TNRC6B: variants seen among roughly 807,000 people sequenced by gnomAD.
TNRC6B encodes the protein trinucleotide repeat containing adaptor 6B.
Under a neutral mutation model 203.6 loss-of-function variants are expected in TNRC6B, and 52 were observed. The observed-to-expected ratio is 0.26, with a 90% CI of 0.20 to 0.32. TNRC6B has a LOEUF of 0.32. Ranked by LOEUF, TNRC6B falls within the 10% of genes least tolerant of loss-of-function variation. The probability of loss-of-function intolerance (pLI) is 1.00; values close to 1 mark genes in which losing one functional copy is unlikely to be tolerated. For missense variants in TNRC6B, 1,923 were observed against 2,286.2 expected (o/e 0.84, Z 3.24); for synonymous variants, 838 against 845.7 (o/e 0.99, Z 0.16).
At chr22:40,078,776 A>G (rs1009644536) in intron 1 of TNRC6B, among the ~76,000 whole-genome samples, 3 of 151,710 alleles carry the variant, frequency 2.0e-5, no homozygotes, top group Non-Finnish European at 2.9e-5. Context: ...TATTTTTAGT[A>G]GAAACAGGGT....
At chr22:40,294,423 T>G (rs912086904) in intron 12 of TNRC6B, among the ~76,000 whole-genome samples, 8 of 152,298 alleles carry the variant, frequency 5.3e-5, no homozygotes, top group Admixed American at 4.6e-4. Context: ...AATTTCCCTC[T>G]TCATATGAGG....
chr22:40,137,338 G>A (rs960264148), intron 3 of TNRC6B, among the ~76,000 whole-genome samples: 1 of 152,168 alleles, frequency 6.6e-6, no homozygotes, highest in South Asian at 2.1e-4. Flanking sequence ...AACATCATTT[G>A]GGTTGAACTC....
rs143118695 is a variant in TNRC6B, at chr22:40,260,923, G to A, written c.116-909G>A. Among the ~76,000 whole-genome samples, 549 of 152,276 alleles carry A rather than the reference G, an allele frequency of 3.6e-3. 3 individuals are homozygous for A. The highest frequency in any genetic ancestry group is 0.014 in the Middle Eastern group (4 of 294). ...AATTTGGAAAAACTGTTTCCCTTGAGAGTAGAGTAAAAGGAGAAGTTACTT... is the reference window on the plus strand; with the variant it reads ...AATTTGGAAAAACTGTTTCCCTTGAAAGTAGAGTAAAAGGAGAAGTTACTT... On this transcript the variant is annotated intron_variant, in intron 3 of 22. Coordinates refer to ENST00000454349, the MANE Select transcript of TNRC6B (RefSeq NM_001162501.2).
intron 3 of TNRC6B, among the ~76,000 whole-genome samples, chr22:40,255,603 C>A (rs2070263228): frequency 6.6e-6 from 1 of 152,146 alleles, no homozygotes; most frequent in Non-Finnish European, 1.5e-5. Context: ...TGAGGTATTA[C>A]AAGACATGTG....
intron 15 of TNRC6B, among the ~76,000 whole-genome samples, chr22:40,301,722 AC>A (rs756224335): frequency 3.9e-5 from 6 of 152,170 alleles, no homozygotes; most frequent in Non-Finnish European, 8.8e-5. Context: ...GTGTTTACCC[AC>A]TTTTCTGCTG....
At position 40,262,144 on chromosome 22, in the gene TNRC6B, T is replaced by C. The variant is rs772284864; in HGVS notation, c.428T>C (p.Leu143Pro). Residue 143 changes from leucine to proline, a missense_variant, in exon 4 of 23, where the codon CTG (leucine) becomes CCG (proline). Transcript: ENST00000454349. ...AACAACGCACAAGTGACAGGAGCGC[T>C]GCTGCAGAGTGAGAGTGGGACTGCG... The part of the protein sequence containing the change: ...NPNNAQVTGA[L>P]LQSESGTAPD... 103 of 1,463,954 alleles carry C rather than the reference T, an allele frequency of 7.0e-5. 1 individual carries two copies. The highest frequency in any genetic ancestry group is 9.0e-5 in the Non-Finnish European group (98 of 1,088,634). 90.7% of individuals were successfully genotyped at this position (1,463,954 alleles called of 1,614,324 possible). A position where few individuals can be genotyped will look rare whatever the true frequency, so the allele number is the denominator to read the frequency against.
chr22:40,308,260 G>A (rs138370041), intron 15 of TNRC6B, among the ~76,000 whole-genome samples: 1 of 152,320 alleles, frequency 6.6e-6, no homozygotes, highest in African/African-American at 2.4e-5. Flanking sequence ...AATGAAAAAG[G>A]GCGTGCAGGA....
At chr22:40,290,965 T>G (rs977544285) in intron 12 of TNRC6B, among the ~76,000 whole-genome samples, 5 of 152,202 alleles carry the variant, frequency 3.3e-5, no homozygotes, top group Non-Finnish European at 5.9e-5. Flanking sequence ...TTACTTGTGT[T>G]CCCTCCATTT....
intron 15 of TNRC6B, 71 bp from the exon 16 acceptor site, chr22:40,308,441 T>A: frequency 6.4e-7 from 1 of 1,571,884 alleles, no homozygotes; most frequent in Non-Finnish European, 8.8e-7. Context: ...TTGAAGGCAT[T>A]CCTGGACTCT....
intron 3 of TNRC6B, among the ~76,000 whole-genome samples, chr22:40,153,527 A>G (rs1444031342): frequency 6.7e-6 from 1 of 148,200 alleles, no homozygotes; most frequent in African/African-American, 2.5e-5. Context: ...TTAATGAAAA[A>G]TACATAACAA....
At chr22:40,240,882 G>C (rs1332185678) in intron 1 of TNRC6B, among the ~76,000 whole-genome samples, 1 of 152,164 alleles carries the variant, frequency 6.6e-6, no homozygotes, top group African/African-American at 2.4e-5. Flanking sequence ...GAGTGCAGTG[G>C]CATGATTATG....
intron 1 of TNRC6B, among the ~76,000 whole-genome samples, chr22:40,058,741 C>G (rs2067822698): frequency 6.6e-6 from 1 of 152,114 alleles, no homozygotes; most frequent in African/African-American, 2.4e-5. Flanking sequence ...ACCCACCTGC[C>G]CAGTACTTGA....
intron 4 of TNRC6B, 89 bp from the exon 5 acceptor site, chr22:40,264,599 G>C: frequency 7.2e-7 from 1 of 1,386,886 alleles, no homozygotes; most frequent in Non-Finnish European, 9.6e-7. Flanking sequence ...GCTCTCCTAA[G>C]GGCAGAGCTC....
intron 4 of TNRC6B, among the ~76,000 whole-genome samples, chr22:40,167,923 G>C (rs1034023487): frequency 6.6e-6 from 1 of 151,996 alleles, no homozygotes; most frequent in Admixed American, 6.6e-5. Context: ...ACTTTGTTAG[G>C]ATCCCTCCTA....
At chr22:40,227,603 G>A (rs755553123) in intron 1 of TNRC6B, among the ~76,000 whole-genome samples, 1 of 151,844 alleles carries the variant, frequency 6.6e-6, no homozygotes, top group African/African-American at 2.4e-5. Flanking sequence ...TGCCCAGCTC[G>A]GCCTCCCAAA....
At position 40,088,665 on chromosome 22, in the gene TNRC6B, G is replaced by A. The variant is rs561678532; in HGVS notation, c.-120-28390G>A. ...AGACGGGGCTTCACCATGTTGGTCA[G>A]GCTGGTCTCTAACTCCTGACCTCAG... On this transcript the variant is annotated intron_variant, in intron 1 of 23. Coordinates refer to the TNRC6B transcript ENST00000301923. Among the ~76,000 whole-genome samples the A allele has an allele frequency of 5.3e-5, 8 of 150,680 alleles. No individual in the cohort carries two copies. The South Asian group carries it at 1.7e-3, about 32-fold the overall frequency.
At chr22:40,101,370 C>T (rs1047812179) in intron 1 of TNRC6B, among the ~76,000 whole-genome samples, 2 of 152,126 alleles carry the variant, frequency 1.3e-5, no homozygotes, top group Admixed American at 1.3e-4. Context: ...AGCACATTGC[C>T]GGCGCCACCC....
intron 3 of TNRC6B, among the ~76,000 whole-genome samples, chr22:40,131,446 A>G: frequency 6.7e-6 from 1 of 149,138 alleles, no homozygotes; most frequent in East Asian, 1.9e-4. Context: ...AAAGCAGGTG[A>G]TGGTTTCTAA....
Position 40,329,146 on chromosome 22 carries a change from T to G in TNRC6B, c.*5905T>G, listed in dbSNP as rs1223545723. On this transcript the variant is annotated 3_prime_UTR_variant, in exon 23 of 23. Transcript: ENST00000454349. ...AATATTCTGGTCTGTGTGTATACAA[T>G]GAATTGTCAGTCTTCAGACCTCATG... 6.6e-6 allele frequency: 1 copy of G among 152,232 alleles called. No individual in the cohort carries two copies. Among genetic ancestry groups the G allele is most frequent in the African/African-American group, 2.4e-5 (1 of 41,446 alleles). The allele number at this position is 152,232 out of a possible 1,614,324, so 9.4% of individuals were successfully genotyped here. A position where few individuals can be genotyped will look rare whatever the true frequency, so the allele number is the denominator to read the frequency against.
Sources: allele counts gnomAD v4.1 joint callset (sites outside exome capture counted in the v4.1 genomes callset), GRCh38; gene constraint gnomAD v4.1.1; transcripts MANE v1.5; gene names NCBI Gene and HGNC (gene_info 2026-07-23, HGNC 2026-07-21).